XRCC4: variants seen among roughly 807,000 people sequenced by gnomAD.
The protein encoded by XRCC4 is X-ray repair cross complementing 4, also known as DNA repair protein XRCC4.
XRCC4 carries 28 observed loss-of-function variants against 39.1 expected under a neutral mutation model. That is an observed-to-expected ratio of 0.72 (90% CI 0.53 to 0.98). The LOEUF is 0.98. Among genes scored for constraint, XRCC4 ranks in the 50% least tolerant of loss-of-function variants. The pLI is 0.00. For synonymous variants in XRCC4, 123 were observed against 126.4 expected (o/e 0.97, Z 0.18); for missense variants, 350 against 376.4 (o/e 0.93, Z 0.58).
chr5:83,313,058 CTCT>C (rs1755758042), intron 7 of XRCC4, among the ~76,000 whole-genome samples: 5 of 144,436 alleles, frequency 3.5e-5, no homozygotes, highest in Admixed American at 2.1e-4. Context: ...CAAAAAATGT[CTCT>C]TTTTTCTTTT....
intron 3 of XRCC4, among the ~76,000 whole-genome samples, chr5:83,179,402 GA>G (rs36117268): frequency 1.3e-5 from 2 of 152,124 alleles, no homozygotes; most frequent in African/African-American, 4.8e-5. Context: ...GTTTATCTTT[GA>G]AAAAGCTAGG....
the XRCC4 span, among the ~76,000 whole-genome samples, chr5:83,370,533 C>A: frequency 6.6e-6 from 1 of 152,150 alleles, no homozygotes; most frequent in African/African-American, 2.4e-5. Context: ...TACTGCCTGT[C>A]CAAGTTGTTT....
chr5:83,257,570 C>T lies in XRCC4; in HGVS notation c.746-960C>T, dbSNP rs557583467. Among the ~76,000 whole-genome samples, 39 of 152,246 alleles carry T rather than the reference C, an allele frequency of 2.6e-4. No individual in the cohort carries two copies. The East Asian group carries it at 6.2e-3, about 24-fold the overall frequency. ...TGGAGTGGATGTGGAGAAATAGGAA[C>T]GCTTTTACACTGTTGGTGGGAGTGT... On this transcript the variant is annotated intron_variant, in intron 6 of 7. Transcript: ENST00000396027.
chr5:83,147,129 T>C (rs1748490363), intron 3 of XRCC4, among the ~76,000 whole-genome samples: 1 of 152,152 alleles, frequency 6.6e-6, no homozygotes, highest in Admixed American at 6.5e-5. Flanking sequence ...GTTTTAAAAA[T>C]GTGGGTAGAA....
Position 83,195,869 on chromosome 5 carries a change from G to C in XRCC4, c.415G>C (p.Ala139Pro). The C allele has an allele frequency of 1.9e-6, 3 of 1,611,726 alleles. No individual in the cohort carries two copies. Among genetic ancestry groups the C allele is most frequent in the Non-Finnish European group, 1.7e-6 (2 of 1,178,596 alleles). The change falls in exon 4 of 8, where the codon GCC becomes CCC. Residue 139 changes from alanine (A) to proline (P), a missense_variant. Ala to Pro is a conservative substitution (Grantham distance 27). Coordinates refer to ENST00000396027, the MANE Select transcript of XRCC4 (RefSeq NM_003401.5). The part of the protein sequence containing the change: ...YCLDTIAENQ[A>P]KNEHLQKENE... ...CTTGGACACCATTGCAGAAAATCAA[G>C]CCAAAAATGAGCACCTGCAGAAAGA...
intron 1 of XRCC4, among the ~76,000 whole-genome samples, chr5:83,099,015 T>C (rs1313785894): frequency 6.6e-6 from 1 of 152,216 alleles, no homozygotes; most frequent in African/African-American, 2.4e-5. Flanking sequence ...AAACAATCTG[T>C]GACCACACTT....
At chr5:83,097,215 A>G (rs1319586485) in intron 1 of XRCC4, among the ~76,000 whole-genome samples, 1 of 152,012 alleles carries the variant, frequency 6.6e-6, no homozygotes, top group Non-Finnish European at 1.5e-5. Context: ...CTTATGTGCT[A>G]TTTATAACTG....
At chr5:83,222,144 TTATTC>T (rs1161068339) in intron 6 of XRCC4, among the ~76,000 whole-genome samples, 1 of 151,940 alleles carries the variant, frequency 6.6e-6, no homozygotes, top group Non-Finnish European at 1.5e-5. Flanking sequence ...ATTGGAGTAT[TTATTC>T]CATTTACAGT....
At chr5:83,178,144 A>ATTTTAAAT (rs2112641345) in intron 3 of XRCC4, among the ~76,000 whole-genome samples, 2 of 152,206 alleles carry the variant, frequency 1.3e-5, no homozygotes, top group African/African-American at 4.8e-5. Flanking sequence ...GGGTTACTAG[A>ATTTTAAAT]TGGGTAGAGG....
intron 6 of XRCC4, among the ~76,000 whole-genome samples, chr5:83,212,937 A>G (rs1465235698): frequency 1.3e-5 from 2 of 149,858 alleles, no homozygotes; most frequent in South Asian, 2.1e-4. Flanking sequence ...AAAAAAAAAA[A>G]AAAACACCAA....
At chr5:83,135,391 CTT>C (rs35742750) in intron 3 of XRCC4, among the ~76,000 whole-genome samples, 1 of 145,722 alleles carries the variant, frequency 6.9e-6, no homozygotes, top group Non-Finnish European at 1.5e-5. Flanking sequence ...GGCAGTATGC[CTT>C]TTTTTTTTTT....
chr5:83,093,596 A>T (rs1047516850), intron 1 of XRCC4, among the ~76,000 whole-genome samples: 3 of 152,202 alleles, frequency 2.0e-5, no homozygotes, highest in Non-Finnish European at 2.9e-5. Flanking sequence ...GAAGACTGAA[A>T]TCATATCACA....
At chr5:83,109,171 A>C (rs1381198484) in intron 2 of XRCC4, among the ~76,000 whole-genome samples, 1 of 151,878 alleles carries the variant, frequency 6.6e-6, no homozygotes, top group Non-Finnish European at 1.5e-5. Context: ...AGGTATGAAA[A>C]TGTGTGTTCC....
intron 7 of XRCC4, chr5:83,280,670 AAGACATGAATCCATTCATAAGGGC>A (rs901143642): frequency 1.1e-5 from 3 of 266,554 alleles, no homozygotes; most frequent in Non-Finnish European, 2.2e-5. Flanking sequence ...GCCCTTTTAT[AAGACATGAATCCATTCATAAGGGC>A]AGAGCCCTCA....
intron 3 of XRCC4, among the ~76,000 whole-genome samples, chr5:83,137,507 G>A (rs1357828110): frequency 6.6e-6 from 1 of 152,012 alleles, no homozygotes; most frequent in Non-Finnish European, 1.5e-5. Context: ...TATTAAAACC[G>A]TTTATAGCCA....
Position 83,077,571 on chromosome 5 carries a change from G to C in XRCC4, c.-55G>C. ...CATTGGTTGCAAAACCTTGATCTGT[G>C]AAAGCGGGCGTTTTGGAAGATACCG... On this transcript the variant is annotated 5_prime_UTR_variant, in exon 1 of 8. Coordinates refer to ENST00000396027, the MANE Select transcript of XRCC4 (RefSeq NM_003401.5). 1.9e-6 allele frequency: 1 copy of C among 528,294 alleles called. No individual in the cohort carries two copies. Among genetic ancestry groups the C allele is most frequent in the South Asian group, 2.5e-5 (1 of 39,966 alleles). The allele number at this position is 528,294 out of a possible 1,614,324, so 32.7% of individuals were successfully genotyped here. A position where few individuals can be genotyped will look rare whatever the true frequency, so the allele number is the denominator to read the frequency against.
At chr5:83,184,329 T>A (rs2112660913) in intron 3 of XRCC4, among the ~76,000 whole-genome samples, 1 of 152,230 alleles carries the variant, frequency 6.6e-6, no homozygotes, top group African/African-American at 2.4e-5. Context: ...ATGAAAATTT[T>A]TTTTTCAAAT....
intron 3 of XRCC4, among the ~76,000 whole-genome samples, chr5:83,175,167 C>T (rs1472091540): frequency 6.6e-6 from 1 of 152,128 alleles, no homozygotes. Context: ...TAACTCCCTC[C>T]TGAAACTTCT....
At chr5:83,248,318 G>A (rs1580421711) in intron 6 of XRCC4, among the ~76,000 whole-genome samples, 2 of 152,214 alleles carry the variant, frequency 1.3e-5, no homozygotes, top group Middle Eastern at 6.8e-3. Context: ...GATCAGACTT[G>A]CATTTTTAGA....
Sources: allele counts gnomAD v4.1 joint callset (sites outside exome capture counted in the v4.1 genomes callset), GRCh38; gene constraint gnomAD v4.1.1; transcripts MANE v1.5; gene names NCBI Gene and HGNC (gene_info 2026-07-23, HGNC 2026-07-21).